Variants in MITF observed in about 807,000 individuals in gnomAD.
MITF encodes the protein microphthalmia-associated transcription factor.
MITF carries 17 observed loss-of-function variants against 60.5 expected under a neutral mutation model. The ratio of observed to expected loss-of-function variants is 0.28; its 90% CI spans 0.19 to 0.42. The LOEUF (loss-of-function observed/expected upper bound fraction) is 0.42, where lower values mean the gene tolerates loss of function less well. Ranked by LOEUF, MITF falls within the 10% of genes least tolerant of loss-of-function variation. The pLI, the probability that MITF is intolerant of heterozygous loss-of-function variation, is 1.00. For synonymous variants in MITF, 260 were observed against 248.5 expected (o/e 1.05, Z -0.43); for missense variants, 622 against 683.5 (o/e 0.91, Z 1.00).
At chr3:69,908,987 G>A (rs1006368139) in intron 2 of MITF, among the ~76,000 whole-genome samples, 3 of 152,086 alleles carry the variant, frequency 2.0e-5, no homozygotes, top group Non-Finnish European at 4.4e-5. Flanking sequence ...TCCTTTACCA[G>A]CTGCTAAGTT....
At chr3:69,822,676 C>G (rs1167757507) in intron 1 of MITF, among the ~76,000 whole-genome samples, 1 of 152,148 alleles carries the variant, frequency 6.6e-6, no homozygotes, top group Admixed American at 6.5e-5. Flanking sequence ...TCTGTGCTTC[C>G]CCCCTTGAAC....
chr3:69,757,996 CATGTGTGT>C (rs2062153025), intron 1 of MITF, among the ~76,000 whole-genome samples: 1 of 96,448 alleles, frequency 1.0e-5, no homozygotes, highest in Admixed American at 1.0e-4. Context: ...TACCCTAGGG[CATGTGTGT>C]GTGTGTGTGT....
At chr3:69,944,658 C>T (rs528474570) in intron 5 of MITF, among the ~76,000 whole-genome samples, 70 of 152,130 alleles carry the variant, frequency 4.6e-4, no homozygotes, top group Non-Finnish European at 2.6e-4. Flanking sequence ...ATACTCTTGA[C>T]GGAGTGATTC....
intron 1 of MITF, among the ~76,000 whole-genome samples, chr3:69,848,424 A>G (rs973257894): frequency 1.3e-5 from 2 of 152,192 alleles, no homozygotes; most frequent in Admixed American, 6.5e-5. Flanking sequence ...GTCTATTACC[A>G]TGGCTGAGGA....
chr3:69,758,551 G>A (rs1038171560), intron 1 of MITF, among the ~76,000 whole-genome samples: 1 of 152,094 alleles, frequency 6.6e-6, no homozygotes, highest in Non-Finnish European at 1.5e-5. Context: ...TTAAAATAAT[G>A]TATCTTTTAA....
At chr3:69,833,559 A>C (rs766253007) in intron 1 of MITF, among the ~76,000 whole-genome samples, 3 of 141,562 alleles carry the variant, frequency 2.1e-5, no homozygotes, top group Non-Finnish European at 4.5e-5. Flanking sequence ...TTCTATGTAC[A>C]CTGTATGTGG....
At chr3:69,960,479 A>G (rs563843682) in intron 9 of MITF, among the ~76,000 whole-genome samples, 79 of 152,236 alleles carry the variant, frequency 5.2e-4, no homozygotes, top group African/African-American at 1.8e-3. Flanking sequence ...TTGTTGAGTG[A>G]AAGGGCACTA....
intron 2 of MITF, among the ~76,000 whole-genome samples, chr3:69,887,964 T>C (rs932637542): frequency 6.6e-6 from 1 of 152,102 alleles, no homozygotes; most frequent in Non-Finnish European, 1.5e-5. Context: ...TATGTAACTC[T>C]AGTGGTCTTT....
intron 1 of MITF, among the ~76,000 whole-genome samples, chr3:69,750,146 G>A (rs886442713): frequency 6.6e-6 from 1 of 152,130 alleles, no homozygotes; most frequent in Admixed American, 6.5e-5. Flanking sequence ...TCTCTCCCTA[G>A]TGTTACCCCT....
chr3:69,900,561 CT>C (rs973998039), intron 2 of MITF, among the ~76,000 whole-genome samples: 3 of 152,126 alleles, frequency 2.0e-5, no homozygotes, highest in African/African-American at 7.2e-5. Flanking sequence ...AACCAGTGAC[CT>C]TCTTTTTGAG....
chr3:69,770,022 TC>T (rs2062368547), intron 1 of MITF, among the ~76,000 whole-genome samples: 1 of 152,228 alleles, frequency 6.6e-6, no homozygotes, highest in Non-Finnish European at 1.5e-5. Flanking sequence ...TAAAACATAC[TC>T]CTTTGCCCTC....
intron 1 of MITF, among the ~76,000 whole-genome samples, chr3:69,847,945 T>C (rs542593258): frequency 2.6e-5 from 4 of 152,378 alleles, no homozygotes; most frequent in Admixed American, 2.0e-4. Flanking sequence ...TTTCCACATT[T>C]AATGATGTGC....
At chr3:69,779,355 G>A (rs897595602) in intron 1 of MITF, among the ~76,000 whole-genome samples, 5 of 152,264 alleles carry the variant, frequency 3.3e-5, no homozygotes, top group Non-Finnish European at 7.3e-5. Context: ...TGAAACAAGG[G>A]TGGCTATGAC....
chr3:69,894,906 C>G (rs572738958), intron 2 of MITF, among the ~76,000 whole-genome samples: 4 of 152,264 alleles, frequency 2.6e-5, no homozygotes, highest in African/African-American at 9.6e-5. Context: ...AGAGGCCATT[C>G]TCTCCAACCA....
chr3:69,776,987 C>CTCTCATTGAGAGTAA (rs1250764278), intron 1 of MITF, among the ~76,000 whole-genome samples: 1 of 152,072 alleles, frequency 6.6e-6, no homozygotes, highest in Non-Finnish European at 1.5e-5. Flanking sequence ...AGTAATGTTA[C>CTCTCATTGAGAGTAA]TGTTGGTGTA....
intron 1 of MITF, among the ~76,000 whole-genome samples, chr3:69,809,070 G>T (rs1306041521): frequency 2.6e-5 from 4 of 152,080 alleles, no homozygotes; most frequent in Non-Finnish European, 4.4e-5. Flanking sequence ...AACTCAACAG[G>T]ACTCTTCCAA....
chr3:69,967,074 T>C lies in MITF; in HGVS notation c.*1826T>C, dbSNP rs2066706788. The C allele has an allele frequency of 1.3e-5, 3 of 232,646 alleles. No homozygotes were observed. The East Asian group carries it at 1.8e-4, about 14-fold the overall frequency. 14.4% of individuals were successfully genotyped at this position (232,646 alleles called of 1,614,324 possible). A position where few individuals can be genotyped will look rare whatever the true frequency, so the allele number is the denominator to read the frequency against. The stretch of plus-strand genomic sequence containing the variant: ...AGGGTTTTTAAAAAGTGTTTAAATG[T>C]CAAATGTGAATTGGTGATGGGTGAT... On this transcript the variant is annotated 3_prime_UTR_variant, in exon 10 of 10. Transcript: ENST00000352241.
chr3:69,843,684 C>G (rs986494110), intron 1 of MITF, among the ~76,000 whole-genome samples: 1 of 152,090 alleles, frequency 6.6e-6, no homozygotes. Flanking sequence ...TGTAACTGAT[C>G]ATGTTTTCTT....
At chr3:69,770,631 C>G (rs1487072800) in intron 1 of MITF, among the ~76,000 whole-genome samples, 1 of 152,260 alleles carries the variant, frequency 6.6e-6, no homozygotes, top group East Asian at 1.9e-4. Context: ...GCAAAAGCAA[C>G]TGCATATGAA....
Sources: gnomAD v4.1 joint callset for allele counts (sites outside exome capture counted in the v4.1 genomes callset) on GRCh38, gnomAD v4.1.1 for gene constraint, MANE v1.5 for transcripts, NCBI Gene and HGNC (gene_info 2026-07-23, HGNC 2026-07-21) for gene names.